MYRIP: variants seen among roughly 807,000 people sequenced by gnomAD.
MYRIP encodes the protein rab effector MyRIP.
In MYRIP, 49 loss-of-function variants were observed where a neutral mutation model predicts 98.0. The ratio of observed to expected loss-of-function variants is 0.50; its 90% CI spans 0.40 to 0.63. The LOEUF is 0.63. Among genes scored for constraint, MYRIP ranks in the 30% least tolerant of loss-of-function variants. The pLI, the probability that MYRIP is intolerant of heterozygous loss-of-function variation, is 0.00. For missense variants in MYRIP, 1,004 were observed against 1,058.2 expected, an observed-to-expected ratio of 0.95 and a Z score of 0.71; for synonymous variants, 404 against 409.5, an observed-to-expected ratio of 0.99 and a Z score of 0.16.
chr3:40,192,328 C>CATATATATATATGTATATAT (rs1951250103), intron 10 of MYRIP, among the ~76,000 whole-genome samples: 1 of 37,842 alleles, frequency 2.6e-5, no homozygotes, highest in Non-Finnish European at 4.2e-5. Flanking sequence ...ATATATATGT[C>CATATATATATATGTATATAT]ATATATATAT....
chr3:39,991,535 C>T (rs546592211), intron 2 of MYRIP, among the ~76,000 whole-genome samples: 11 of 152,296 alleles, frequency 7.2e-5, no homozygotes, highest in African/African-American at 1.9e-4. Flanking sequence ...TACCTTCCTA[C>T]GACTTTTCCC....
At chr3:39,872,002 T>C (rs1234770016) in intron 1 of MYRIP, among the ~76,000 whole-genome samples, 1 of 152,024 alleles carries the variant, frequency 6.6e-6, no homozygotes, top group African/African-American at 2.4e-5. Flanking sequence ...CTTGAAGCTA[T>C]TATTTAAGAT....
intron 3 of MYRIP, among the ~76,000 whole-genome samples, chr3:40,089,823 A>G (rs1048580650): frequency 6.6e-6 from 1 of 152,090 alleles, no homozygotes; most frequent in African/African-American, 2.4e-5. Context: ...ACCATTTTCT[A>G]TAGATTTCTA....
At chr3:39,962,328 A>G (rs1417209541) in intron 2 of MYRIP, among the ~76,000 whole-genome samples, 1 of 152,124 alleles carries the variant, frequency 6.6e-6, no homozygotes, top group Admixed American at 6.6e-5. Context: ...GTAACTCTGC[A>G]TCTTCATTGT....
At chr3:40,052,118 A>G (rs998470495) in intron 3 of MYRIP, among the ~76,000 whole-genome samples, 3 of 152,068 alleles carry the variant, frequency 2.0e-5, no homozygotes, top group Non-Finnish European at 4.4e-5. Flanking sequence ...ACTATTGAAT[A>G]CTATAACTTT....
chr3:40,066,842 A>G (rs1244676483), intron 3 of MYRIP, among the ~76,000 whole-genome samples: 2 of 152,198 alleles, frequency 1.3e-5, no homozygotes, highest in Non-Finnish European at 2.9e-5. Context: ...GTTTAGCACA[A>G]TCTTACCAAC....
chr3:40,210,474 A>C (rs916674924), intron 11 of MYRIP, among the ~76,000 whole-genome samples: 1 of 152,170 alleles, frequency 6.6e-6, no homozygotes, highest in Non-Finnish European at 1.5e-5. Context: ...CCATGGATTA[A>C]GGTCATCTAG....
intron 10 of MYRIP, among the ~76,000 whole-genome samples, chr3:40,195,705 TTA>T (rs1951368697): frequency 6.6e-6 from 1 of 152,150 alleles, no homozygotes; most frequent in South Asian, 2.1e-4. Flanking sequence ...TGGTTTTTTT[TTA>T]ATAAAAAGCA....
chr3:40,213,180 T>C (rs4312599), intron 11 of MYRIP, among the ~76,000 whole-genome samples: 61,285 of 151,976 alleles, frequency 0.4, 15,009 homozygotes, highest in Non-Finnish European at 0.55. Context: ...CAGGCTCATG[T>C]CTGTCTTGCT....
intron 12 of MYRIP, among the ~76,000 whole-genome samples, chr3:40,240,064 C>A (rs574395919): frequency 1.5e-5 from 2 of 134,906 alleles, no homozygotes; most frequent in African/African-American, 5.7e-5. Flanking sequence ...GTCTTTAATC[C>A]ATCTTGAATT....
chr3:40,051,418 A>C (rs1222524334), intron 3 of MYRIP, among the ~76,000 whole-genome samples: 2 of 152,166 alleles, frequency 1.3e-5, no homozygotes, highest in Non-Finnish European at 2.9e-5. Context: ...TTTGGGGCAC[A>C]ATGCTGTTGC....
chr3:40,126,492 C>CA (rs1949528195), intron 3 of MYRIP, among the ~76,000 whole-genome samples: 3 of 151,988 alleles, frequency 2.0e-5, no homozygotes, highest in African/African-American at 7.2e-5. Flanking sequence ...TTGATGATAA[C>CA]AAAAAAATAG....
chr3:40,171,289 AG>A (rs1373630154), intron 8 of MYRIP, among the ~76,000 whole-genome samples: 1 of 152,148 alleles, frequency 6.6e-6, no homozygotes, highest in Non-Finnish European at 1.5e-5. Context: ...CTGAGTTGAA[AG>A]ATTGAGAATA....
chr3:40,176,441 A>G (rs561282414), intron 8 of MYRIP, among the ~76,000 whole-genome samples: 3 of 152,268 alleles, frequency 2.0e-5, no homozygotes, highest in African/African-American at 7.2e-5. Context: ...GAAGACATGA[A>G]CAAACAGCAT....
At chr3:40,156,492 A>G (rs181546183) in intron 4 of MYRIP, among the ~76,000 whole-genome samples, 259 of 152,274 alleles carry the variant, frequency 1.7e-3, no homozygotes, top group Non-Finnish European at 1.7e-3. Flanking sequence ...TTTTGGTGCC[A>G]TATGAACTTT....
At chr3:39,979,650 C>CAA (rs1400253573) in intron 2 of MYRIP, among the ~76,000 whole-genome samples, 5 of 79,030 alleles carry the variant, frequency 6.3e-5, no homozygotes, top group Non-Finnish European at 8.9e-5. Flanking sequence ...AAAACCAAAA[C>CAA]AAAACAAAAA....
chr3:39,873,642 T>C (rs1942879861), intron 1 of MYRIP, among the ~76,000 whole-genome samples: 1 of 152,150 alleles, frequency 6.6e-6, no homozygotes, highest in Non-Finnish European at 1.5e-5. Flanking sequence ...AAAGATCAGA[T>C]AGTTGTAGAT....
At chr3:40,013,902 G>T (rs1946810163) in intron 2 of MYRIP, among the ~76,000 whole-genome samples, 1 of 152,206 alleles carries the variant, frequency 6.6e-6, no homozygotes, top group Non-Finnish European at 1.5e-5. Flanking sequence ...TCTCACTTCT[G>T]TTCTCATCCT....
chr3:40,071,311 G>A, intron 3 of MYRIP: 2 of 549,106 alleles, frequency 3.6e-6, no homozygotes, highest in Non-Finnish European at 4.6e-6. Flanking sequence ...TATATGGGGT[G>A]CACTGGTTGG....
Sources: allele counts gnomAD v4.1 joint callset (sites outside exome capture counted in the v4.1 genomes callset), GRCh38; gene constraint gnomAD v4.1.1; transcripts MANE v1.5; gene names NCBI Gene and HGNC (gene_info 2026-07-23, HGNC 2026-07-21).